OPHN1: variants seen among roughly 807,000 people sequenced by gnomAD.
OPHN1 encodes the protein oligophrenin-1.
A neutral mutation model predicts 60.7 loss-of-function variants in OPHN1; 11 were observed. That is an observed-to-expected ratio of 0.18 (90% CI 0.11 to 0.30). The LOEUF is 0.30. Among genes scored for constraint, OPHN1 ranks in the 10% least tolerant of loss-of-function variants. OPHN1 has a pLI of 1.00. For missense variants in OPHN1, 449 were observed against 611.0 expected (o/e 0.73, Z 2.80); for synonymous variants, 226 against 222.6 (o/e 1.02, Z -0.14).
intron 4 of OPHN1, among the ~76,000 whole-genome samples, chrX:68,279,404 C>T (rs1474337046): frequency 2.7e-5 from 3 of 109,381 alleles, no homozygotes; most frequent in African/African-American, 6.7e-5. Flanking sequence ...AGCCACCGCA[C>T]CCAGCCCCAA....
intron 18 of OPHN1, among the ~76,000 whole-genome samples, chrX:68,100,025 A>G (rs981181927): frequency 9.0e-6 from 1 of 111,514 alleles, no homozygotes; most frequent in Non-Finnish European, 1.9e-5. Context: ...TTACTAAAGT[A>G]TTGTGTCTCT....
chrX:68,213,127 G>C (rs1356478100), intron 7 of OPHN1, among the ~76,000 whole-genome samples: 2 of 112,280 alleles, frequency 1.8e-5, no homozygotes, highest in Non-Finnish European at 3.8e-5. Context: ...CTGGCACTTT[G>C]GGAAGCCAAG....
At chrX:68,251,745 C>T (rs1315675444) in intron 5 of OPHN1, among the ~76,000 whole-genome samples, 1 of 111,421 alleles carries the variant, frequency 9.0e-6, no homozygotes, top group Admixed American at 9.5e-5. Flanking sequence ...AAAACCAGAT[C>T]TCCTAACCAT....
At chrX:68,289,177 C>T (rs1027202274) in intron 3 of OPHN1, among the ~76,000 whole-genome samples, 1 of 111,229 alleles carries the variant, frequency 9.0e-6, no homozygotes, top group African/African-American at 3.3e-5. Flanking sequence ...CATCCCCTGC[C>T]GCAACACCAC....
chrX:68,055,064 G>C (rs1488974758), intron 21 of OPHN1, among the ~76,000 whole-genome samples: 1 of 111,746 alleles, frequency 8.9e-6, no homozygotes, highest in Non-Finnish European at 1.9e-5. Context: ...GGCCCTCCTT[G>C]AGCTGGTCCC....
chrX:68,221,007 C>A (rs1012886692), intron 6 of OPHN1, among the ~76,000 whole-genome samples: 1 of 103,294 alleles, frequency 9.7e-6, no homozygotes, highest in Non-Finnish European at 2.0e-5. Context: ...TGTTTGCAGA[C>A]GACATGATTG....
At chrX:68,137,246 G>A (rs1004728676) in intron 15 of OPHN1, among the ~76,000 whole-genome samples, 1 of 111,538 alleles carries the variant, frequency 9.0e-6, no homozygotes, top group Non-Finnish European at 1.9e-5. Flanking sequence ...GGGTAAAGAC[G>A]TGTTGGGCTT....
At chrX:68,298,935 C>A (rs1045687920) in intron 3 of OPHN1, 66 bp downstream of exon 3, 9 of 694,937 alleles carry the variant, frequency 1.3e-5, no homozygotes, top group Non-Finnish European at 1.8e-5. Flanking sequence ...ATCCACAAAT[C>A]AAAAAGACTA....
intron 6 of OPHN1, among the ~76,000 whole-genome samples, chrX:68,217,813 AC>A (rs1252222406): frequency 1.1e-5 from 1 of 89,995 alleles, no homozygotes; most frequent in African/African-American, 3.4e-5. Context: ...AGTAGATAAA[AC>A]CACAAAGATG....
chrX:68,370,634 T>A lies in OPHN1; in HGVS notation c.154+62233A>T, dbSNP rs567787398. Among the ~76,000 whole-genome samples, 47 of 112,381 alleles carry A rather than the reference T, an allele frequency of 4.2e-4. No homozygotes were observed. In the South Asian group the frequency reaches 0.017, roughly 41 times the overall value. ...TTATCGAACTTTTTGTTTATAACTC[T>A]ACTTTTTTATATCCTACTTTGTTTT... is the stretch of plus-strand genomic sequence containing the variant. On this transcript the variant is annotated intron_variant, in intron 2 of 24. Transcript: ENST00000355520.
At position 68,365,134 on chromosome X, in the gene OPHN1, A is replaced by G. The variant is rs148301328; in HGVS notation, c.155-66038T>C. 9.4e-3 allele frequency among the ~76,000 whole-genome samples: 1,055 copies of G among 111,985 alleles called. 8 individuals are homozygous for G. Among genetic ancestry groups the G allele is most frequent in the African/African-American group, 0.033 (1,021 of 30,879 alleles). On this transcript the variant is annotated intron_variant, in intron 2 of 24. Transcript: ENST00000355520. ...TTCAAATGAACATAGACGCTAATAG[A>G]GGAGAAATGCATTTAAACAAATAAA...
intron 15 of OPHN1, among the ~76,000 whole-genome samples, chrX:68,121,605 G>A (rs2077150919): frequency 9.1e-6 from 1 of 110,035 alleles, no homozygotes; most frequent in Non-Finnish European, 1.9e-5. Flanking sequence ...GGCACTCTAA[G>A]CCACAAGGAC....
intron 2 of OPHN1, among the ~76,000 whole-genome samples, chrX:68,380,805 T>A (rs1177844683): frequency 8.9e-6 from 1 of 111,813 alleles, no homozygotes; most frequent in Non-Finnish European, 1.9e-5. Flanking sequence ...CAGTTTGTTA[T>A]AATTTCTGTT....
At chrX:68,058,675 G>A (rs1189230470) in intron 21 of OPHN1, among the ~76,000 whole-genome samples, 2 of 111,913 alleles carry the variant, frequency 1.8e-5, no homozygotes, top group East Asian at 5.6e-4. Flanking sequence ...CTAAGAGGTT[G>A]TTACCTAGTA....
chrX:68,222,369 G>T (rs1372464772), intron 6 of OPHN1, among the ~76,000 whole-genome samples: 1 of 108,177 alleles, frequency 9.2e-6, no homozygotes, highest in Non-Finnish European at 1.9e-5. Context: ...AAGTCAGTGT[G>T]GCGATTCCTC....
chrX:68,281,942 G>A (rs966995910), intron 4 of OPHN1, among the ~76,000 whole-genome samples: 1 of 112,404 alleles, frequency 8.9e-6, no homozygotes. Flanking sequence ...TGGAGCTGGC[G>A]AGGACATGGA....
chrX:68,087,492 C>T (rs184432488), intron 19 of OPHN1, among the ~76,000 whole-genome samples: 2 of 111,332 alleles, frequency 1.8e-5, no homozygotes, highest in East Asian at 2.8e-4. Context: ...AACCCCCTTA[C>T]GGATTCTTCT....
chrX:68,216,181 C>A (rs1206363008), intron 6 of OPHN1, among the ~76,000 whole-genome samples: 1 of 110,854 alleles, frequency 9.0e-6, no homozygotes, highest in Non-Finnish European at 1.9e-5. Flanking sequence ...CATAAACTAA[C>A]CACAAATGCA....
At chrX:68,395,438 TTC>T (rs917799748) in intron 2 of OPHN1, among the ~76,000 whole-genome samples, 19 of 106,225 alleles carry the variant, frequency 1.8e-4, no homozygotes, top group African/African-American at 3.4e-5. Flanking sequence ...CCAGCTAATT[TTC>T]TCTCTCTCTT....
Sources: gnomAD v4.1 joint callset for allele counts (sites outside exome capture counted in the v4.1 genomes callset) on GRCh38, gnomAD v4.1.1 for gene constraint, MANE v1.5 for transcripts, NCBI Gene and HGNC (gene_info 2026-07-23, HGNC 2026-07-21) for gene names.